The following SLC35F3 variants were observed in gnomAD, a reference collection of about 807,000 sequenced individuals.
SLC35F3 encodes putative thiamine transporter SLC35F3.
SLC35F3 carries 25 observed loss-of-function variants against 49.9 expected under a neutral mutation model. The ratio of observed to expected loss-of-function variants is 0.50; its 90% CI spans 0.37 to 0.70. The LOEUF (loss-of-function observed/expected upper bound fraction) is 0.70. Among genes scored for constraint, SLC35F3 ranks in the 30% least tolerant of loss-of-function variants. SLC35F3 has a pLI of 0.00. For missense variants in SLC35F3, 525 were observed against 639.8 expected (o/e 0.82, Z 1.94); for synonymous variants, 275 against 265.4 (o/e 1.04, Z -0.35).
At chr1:234,082,275 A>C (rs1664889906) in intron 2 of SLC35F3, among the ~76,000 whole-genome samples, 1 of 152,208 alleles carries the variant, frequency 6.6e-6, no homozygotes, top group Non-Finnish European at 1.5e-5. Flanking sequence ...TTCTCGGAGA[A>C]GTACATCAAA....
chr1:234,050,008 G>A (rs1487494310), intron 2 of SLC35F3, among the ~76,000 whole-genome samples: 5 of 152,280 alleles, frequency 3.3e-5, no homozygotes, highest in Middle Eastern at 3.4e-3. Flanking sequence ...TGGTGTATAT[G>A]TGCCACACTT....
intron 2 of SLC35F3, among the ~76,000 whole-genome samples, chr1:233,944,335 T>C (rs1332331166): frequency 6.6e-6 from 1 of 152,208 alleles, no homozygotes; most frequent in Non-Finnish European, 1.5e-5. Context: ...TTCATTTATT[T>C]CTAAATTTTA....
At chr1:234,200,815 C>G (rs1368287702) in intron 2 of SLC35F3, among the ~76,000 whole-genome samples, 1 of 152,198 alleles carries the variant, frequency 6.6e-6, no homozygotes, top group Non-Finnish European at 1.5e-5. Context: ...ATTGCAGCTG[C>G]AGCTGCGAGA....
At chr1:233,925,595 G>T (rs1038261697) in intron 2 of SLC35F3, among the ~76,000 whole-genome samples, 7 of 152,098 alleles carry the variant, frequency 4.6e-5, no homozygotes, top group Non-Finnish European at 8.8e-5. Context: ...CAATTTGCCA[G>T]TCTGTGTCTT....
intron 2 of SLC35F3, among the ~76,000 whole-genome samples, chr1:234,092,335 T>TTCTC (rs1256102733): frequency 6.6e-6 from 1 of 152,198 alleles, no homozygotes; most frequent in African/African-American, 2.4e-5. Context: ...GAGTCTTCCT[T>TTCTC]TCTCTCTTCC....
chr1:234,185,960 G>A (rs1666637691), intron 2 of SLC35F3, among the ~76,000 whole-genome samples: 1 of 152,148 alleles, frequency 6.6e-6, no homozygotes. Flanking sequence ...TTCACTGTCT[G>A]TAAAAAGATT....
chr1:234,277,600 T>C (rs1199436884), intron 3 of SLC35F3, among the ~76,000 whole-genome samples: 2 of 152,212 alleles, frequency 1.3e-5, no homozygotes, highest in African/African-American at 4.8e-5. Flanking sequence ...CCCAAAGTCT[T>C]ATGAAATGCT....
chr1:234,106,846 G>T (rs899645376), intron 2 of SLC35F3, among the ~76,000 whole-genome samples: 2 of 152,146 alleles, frequency 1.3e-5, no homozygotes, highest in Non-Finnish European at 2.9e-5. Context: ...AGACACAGAG[G>T]ACGGCCAAGT....
intron 2 of SLC35F3, among the ~76,000 whole-genome samples, chr1:234,123,686 G>A (rs1665608601): frequency 6.6e-6 from 1 of 151,806 alleles, no homozygotes; most frequent in Non-Finnish European, 1.5e-5. Context: ...CCAAAGTGCT[G>A]GGATTACAGG....
intron 2 of SLC35F3, among the ~76,000 whole-genome samples, chr1:234,217,994 A>G (rs962575958): frequency 6.6e-5 from 10 of 152,180 alleles, no homozygotes; most frequent in Non-Finnish European, 4.4e-5. Flanking sequence ...CAGAGAGAAC[A>G]TGGATGCTAG....
intron 3 of SLC35F3, among the ~76,000 whole-genome samples, chr1:234,258,855 G>A (rs1207109055): frequency 6.6e-6 from 1 of 152,204 alleles, no homozygotes; most frequent in Non-Finnish European, 1.5e-5. Context: ...CATTCTGTCT[G>A]GGTTAATTAA....
intron 2 of SLC35F3, among the ~76,000 whole-genome samples, chr1:234,144,182 A>G (rs1320144950): frequency 6.6e-6 from 1 of 151,986 alleles, no homozygotes; most frequent in Non-Finnish European, 1.5e-5. Context: ...TGTACTAAAT[A>G]CCTCTCCCAG....
intron 2 of SLC35F3, among the ~76,000 whole-genome samples, chr1:233,983,899 A>G (rs920097394): frequency 6.6e-6 from 1 of 152,226 alleles, no homozygotes; most frequent in Non-Finnish European, 1.5e-5. Flanking sequence ...GAACTGAACT[A>G]AGACCACATG....
chr1:234,026,440 A>C (rs1452559144), intron 2 of SLC35F3, among the ~76,000 whole-genome samples: 1 of 152,196 alleles, frequency 6.6e-6, no homozygotes, highest in African/African-American at 2.4e-5. Flanking sequence ...GCATTTCCTA[A>C]CTTCAGAAGC....
intron 2 of SLC35F3, among the ~76,000 whole-genome samples, chr1:234,169,563 CA>C (rs1351256278): frequency 7.1e-6 from 1 of 141,518 alleles, no homozygotes; most frequent in African/African-American, 3.1e-5. Context: ...ATGCTCTGGA[CA>C]GGGACATACT....
intron 2 of SLC35F3, among the ~76,000 whole-genome samples, chr1:234,134,965 C>G (rs1354460859): frequency 6.6e-6 from 1 of 152,174 alleles, no homozygotes; most frequent in Non-Finnish European, 1.5e-5. Context: ...AGTGATCCAC[C>G]TGCCTCGGCC....
At chr1:234,211,280 G>C (rs1456650639) in intron 2 of SLC35F3, among the ~76,000 whole-genome samples, 1 of 152,206 alleles carries the variant, frequency 6.6e-6, no homozygotes, top group African/African-American at 2.4e-5. Context: ...GCAAAATTTG[G>C]GGTCAGAGCC....
intron 2 of SLC35F3, among the ~76,000 whole-genome samples, chr1:233,946,601 G>A (rs1427760761): frequency 6.6e-6 from 1 of 151,840 alleles, no homozygotes; most frequent in Non-Finnish European, 1.5e-5. Flanking sequence ...TTTTAAAGAC[G>A]ATTTATGTAA....
In SLC35F3 at chr1:233,908,337, C is replaced by G. The variant is rs924432409; in HGVS notation, c.283+2579C>G. On this transcript the variant is annotated intron_variant, in intron 2 of 7. Coordinates refer to ENST00000366618, the MANE Select transcript of SLC35F3 (RefSeq NM_173508.4). ...CCAGTGAAAGTTTCTGGATGTAAGTCATTTGCCCTTGTAGCAGAAGAAACC... is the reference window on the plus strand; with the variant it reads ...CCAGTGAAAGTTTCTGGATGTAAGTGATTTGCCCTTGTAGCAGAAGAAACC... Among the ~76,000 whole-genome samples the G allele has an allele frequency of 2.6e-5, 4 of 152,140 alleles. No homozygotes were observed. The South Asian group carries it at 8.3e-4, about 31-fold the overall frequency.
Sources: allele counts gnomAD v4.1 joint callset (sites outside exome capture counted in the v4.1 genomes callset), GRCh38; gene constraint gnomAD v4.1.1; transcripts MANE v1.5; gene names NCBI Gene and HGNC (gene_info 2026-07-23, HGNC 2026-07-21).